Variants in MEDAG observed in about 807,000 individuals in gnomAD.
The protein encoded by MEDAG is mesenteric estrogen-dependent adipogenesis protein.
MEDAG carries 25 observed loss-of-function variants against 29.9 expected under a neutral mutation model. That is an observed-to-expected ratio of 0.84 (90% CI 0.61 to 1.17). The LOEUF is 1.17. Among genes scored for constraint, MEDAG ranks in the 50% most tolerant of loss-of-function variants. The probability of loss-of-function intolerance (pLI) is 0.00; values close to 1 mark genes in which losing one functional copy is unlikely to be tolerated. For missense variants in MEDAG, 398 were observed against 372.9 expected (o/e 1.07, Z -0.56); for synonymous variants, 158 against 148.2 (o/e 1.07, Z -0.48).
intron 1 of MEDAG, among the ~76,000 whole-genome samples, chr13:30,907,779 G>A (rs1362704514): frequency 1.3e-5 from 2 of 152,240 alleles, no homozygotes; most frequent in Admixed American, 6.5e-5. Context: ...GAAAGACAGC[G>A]TGCTGTGGCA....
chr13:30,921,916 G>C (rs1593511716), intron 4 of MEDAG, 70 bp downstream of exon 4: 5 of 1,464,432 alleles, frequency 3.4e-6, no homozygotes, highest in African/African-American at 1.4e-5. Context: ...TAATGGAAGA[G>C]AGTCAATTGA....
At chr13:30,922,833 G>A (rs1953001316) in intron 4 of MEDAG, 1 of 152,216 alleles carries the variant, frequency 6.6e-6, no homozygotes, top group Admixed American at 6.5e-5. Flanking sequence ...AGCAGTCTCT[G>A]TGAAGTTGTG....
At chr13:30,920,886 C>T (rs1205124634) in intron 2 of MEDAG, 128 bp from the exon 3 acceptor site, 1 of 716,122 alleles carries the variant, frequency 1.4e-6, no homozygotes, top group South Asian at 1.9e-5. Context: ...TGTGAGGGAG[C>T]AGAGAGGAAG....
intron 4 of MEDAG, among the ~76,000 whole-genome samples, chr13:30,923,915 A>C (rs1232688895): frequency 6.6e-6 from 1 of 152,216 alleles, no homozygotes; most frequent in Admixed American, 6.5e-5. Flanking sequence ...AGCACAGCCA[A>C]GATGCACCTC....
chr13:30,917,188 C>T (rs1952937155), intron 1 of MEDAG, among the ~76,000 whole-genome samples: 2 of 152,152 alleles, frequency 1.3e-5, no homozygotes, highest in South Asian at 2.1e-4. Flanking sequence ...CCAGGACACC[C>T]CTAGGGCCAT....
chr13:30,911,355 C>T (rs1952880306), intron 1 of MEDAG, among the ~76,000 whole-genome samples: 1 of 152,084 alleles, frequency 6.6e-6, no homozygotes, highest in African/African-American at 2.4e-5. Context: ...GACCATCTTT[C>T]CTGCTTGCCT....
At chr13:30,924,110 C>T (rs569052294) in intron 4 of MEDAG, among the ~76,000 whole-genome samples, 2 of 152,050 alleles carry the variant, frequency 1.3e-5, no homozygotes, top group East Asian at 3.9e-4. Flanking sequence ...TACTCCAGCC[C>T]GCAAAAAAGC....
chr13:30,923,031 G>A (rs903331516), intron 4 of MEDAG, among the ~76,000 whole-genome samples: 29 of 151,870 alleles, frequency 1.9e-4, no homozygotes, highest in African/African-American at 7.0e-4. Flanking sequence ...AACAATTCTC[G>A]TGTCTCAGCC....
In MEDAG at chr13:30,923,766, A is replaced by T. The variant is rs148156975; in HGVS notation, c.788-545A>T. On this transcript the variant is annotated intron_variant, in intron 4 of 4. Transcript: ENST00000380482. ...GTGGGCTGCCCAGAGTGTCCACCCC[A>T]TCTTTGGGACACTGAGGAACATTTG... Among the ~76,000 whole-genome samples the T allele has an allele frequency of 8.1e-3, 1,239 of 152,210 alleles. 33 individuals are homozygous for T. Among genetic ancestry groups the T allele is most frequent in the Non-Finnish European group, 5.5e-3 (375 of 68,000 alleles).
intron 1 of MEDAG, among the ~76,000 whole-genome samples, chr13:30,914,177 A>C (rs1952906284): frequency 6.6e-6 from 1 of 152,242 alleles, no homozygotes; most frequent in African/African-American, 2.4e-5. Context: ...TTAACAACTA[A>C]ATTCTCCGAT....
In MEDAG at chr13:30,921,552, C is replaced by T. The variant is rs1441843625; in HGVS notation, c.502-9C>T. On this transcript the variant is annotated splice_polypyrimidine_tract_variant and intron_variant, in intron 3 of 4. Coordinates refer to ENST00000380482, the MANE Select transcript of MEDAG (RefSeq NM_032849.4). ...CATTAAGTCAATGCAATGTTCCTCTCTCTTTCAGTTTGATTTTCAAGAGGC... is the reference window on the plus strand; with the variant it reads ...CATTAAGTCAATGCAATGTTCCTCTTTCTTTCAGTTTGATTTTCAAGAGGC... 1 of 1,595,936 alleles carries T rather than the reference C, an allele frequency of 6.3e-7. No individual in the cohort carries two copies. The highest frequency in any genetic ancestry group is 1.4e-5 in the African/African-American group (1 of 73,902).
Position 30,921,851 on chromosome 13 carries a change from G to A in MEDAG, c.787+5G>A. ...AGTTCAGTGTAACTTCCAGAGGTAT[G>A]TTAAAAATTCCGAAGGATATGTGGA... On this transcript the variant is annotated splice_donor_5th_base_variant and intron_variant, in intron 4 of 4. Transcript: ENST00000380482. 6.3e-7 allele frequency: 1 copy of A among 1,586,092 alleles called. No individual in the cohort carries two copies.
At chr13:30,916,762 T>G (rs1239238831) in intron 1 of MEDAG, 1 of 152,282 alleles carries the variant, frequency 6.6e-6, no homozygotes, top group African/African-American at 2.4e-5. Context: ...AGAGTCAGGA[T>G]TCAGAAAGAT....
Position 30,924,474 on chromosome 13 carries a change from GC to G in MEDAG, c.*41del, listed in dbSNP as rs1451168993. ...TGTAGCAGTTGCTCCCGCACTCCAG[GC>G]CTGTGCTAGACTATAGGCTGGGGGG... is the stretch of plus-strand genomic sequence containing the variant. On this transcript the variant is annotated 3_prime_UTR_variant, in exon 5 of 5. Coordinates refer to ENST00000380482, the MANE Select transcript of MEDAG (RefSeq NM_032849.4). The G allele has an allele frequency of 2.5e-6, 4 of 1,607,240 alleles. No homozygotes were observed. The African/African-American group carries it at 4.0e-5, about 16-fold the overall frequency.
intron 2 of MEDAG, among the ~76,000 whole-genome samples, chr13:30,919,040 A>T (rs949133657): frequency 5.9e-5 from 9 of 152,236 alleles, no homozygotes; most frequent in African/African-American, 2.2e-4. Context: ...AGGTAGTGGT[A>T]CAAGGAGGAA....
chr13:30,924,169 T>C, intron 4 of MEDAG, 142 bp from the exon 5 acceptor site: 2 of 836,280 alleles, frequency 2.4e-6, no homozygotes, highest in South Asian at 4.1e-5. Flanking sequence ...ACATTTCTGT[T>C]TAGCCTTTTG....
At chr13:30,919,722 C>G (rs1952964604) in intron 2 of MEDAG, among the ~76,000 whole-genome samples, 1 of 152,170 alleles carries the variant, frequency 6.6e-6, no homozygotes, top group African/African-American at 2.4e-5. Flanking sequence ...TGAGATATCT[C>G]AAAGTCAGTG....
Position 30,906,706 on chromosome 13 carries a change from C to A in MEDAG, c.191C>A (p.Ala64Glu). 1 of 1,518,774 alleles carries A rather than the reference C, an allele frequency of 6.6e-7. No individual in the cohort carries two copies. Among genetic ancestry groups the A allele is most frequent in the Non-Finnish European group, 8.8e-7 (1 of 1,142,198 alleles). The allele number at this position is 1,518,774 out of a possible 1,614,324, so 94.1% of individuals were successfully genotyped here. The change falls in exon 1 of 5, where the codon GCG (alanine) becomes GAG (glutamate). Residue 64 changes from alanine (A) to glutamate (E), a missense_variant. Coordinates refer to ENST00000380482, the MANE Select transcript of MEDAG (RefSeq NM_032849.4). ...QLVVARPGEP[A>E]AARGGFNVFG... Reference sequence around the variant, plus strand: ...GTGGTGGCCAGGCCCGGGGAGCCGGCGGCGGCGCGGGGGGGCTTCAACGTC... The same window carrying A: ...GTGGTGGCCAGGCCCGGGGAGCCGGAGGCGGCGCGGGGGGGCTTCAACGTC...
rs747109926 is a variant in MEDAG, at chr13:30,921,802, G to A, written c.743G>A (p.Arg248Gln). Reference sequence around the variant, plus strand: ...GAAAAAATGAGTGAGCCTTTAATCCGAAGGAGCAGTTTCTCTGACCGAAAG... The same window carrying A: ...GAAAAAATGAGTGAGCCTTTAATCCAAAGGAGCAGTTTCTCTGACCGAAAG... ...FLEKMSEPLIRRSSFSDRKFS... is the reference protein window; with the variant it reads ...FLEKMSEPLIQRSSFSDRKFS... Residue 248 changes from arginine (R) to glutamine (Q), a missense_variant, in exon 4 of 5, where the codon CGA becomes CAA. By Grantham distance (43) the Arg-to-Gln change is conservative. Transcript: ENST00000380482. The A allele has an allele frequency of 2.2e-5, 35 of 1,611,666 alleles. No homozygotes were observed. The East Asian group carries it at 3.3e-4, about 15-fold the overall frequency.
Sources: allele counts gnomAD v4.1 joint callset (sites outside exome capture counted in the v4.1 genomes callset), GRCh38; gene constraint gnomAD v4.1.1; transcripts MANE v1.5; gene names NCBI Gene and HGNC (gene_info 2026-07-23, HGNC 2026-07-21).